Variants in FIBCD1 observed in about 807,000 individuals in gnomAD.
FIBCD1 encodes the protein fibrinogen C domain containing 1.
A neutral mutation model predicts 45.1 loss-of-function variants in FIBCD1; 47 were observed. That is an observed-to-expected ratio of 1.04 (90% confidence interval 0.82 to 1.33). The LOEUF is 1.33. Among genes scored for constraint, FIBCD1 ranks in the 40% most tolerant of loss-of-function variants. The pLI, the probability that FIBCD1 is intolerant of heterozygous loss-of-function variation, is 0.00. For synonymous variants in FIBCD1, 313 were observed against 308.1 expected (o/e 1.02, Z -0.17); for missense variants, 653 against 682.2 (o/e 0.96, Z 0.48).
intron 1 of FIBCD1, among the ~76,000 whole-genome samples, chr9:130,937,710 C>T (rs561773831): frequency 9.7e-4 from 147 of 152,214 alleles, no homozygotes; most frequent in Non-Finnish European, 2.0e-3. Context: ...GCCCCAGTCC[C>T]TTGGCAGCCC....
chr9:130,912,891 C>A (rs958867804), intron 4 of FIBCD1, among the ~76,000 whole-genome samples: 1 of 152,052 alleles, frequency 6.6e-6, no homozygotes, highest in Non-Finnish European at 1.5e-5. Flanking sequence ...AGAGCACCCC[C>A]CACACACCCC....
At chr9:130,920,440 T>C (rs1239645106) in intron 4 of FIBCD1, among the ~76,000 whole-genome samples, 3 of 152,118 alleles carry the variant, frequency 2.0e-5, no homozygotes, top group Non-Finnish European at 4.4e-5. Context: ...ATGGTACCCA[T>C]TTTACAGATG....
At chr9:130,916,970 C>T (rs1401112668) in intron 4 of FIBCD1, among the ~76,000 whole-genome samples, 2 of 152,108 alleles carry the variant, frequency 1.3e-5, no homozygotes, top group South Asian at 2.1e-4. Flanking sequence ...TGGTGGCAGG[C>T]GCCTTTAATC....
At position 130,924,257 on chromosome 9, in the gene FIBCD1, C is replaced by G; in HGVS notation, c.692G>C (p.Arg231Pro). The change falls in exon 3 of 7, where the codon CGG becomes CCG. Residue 231 changes from arginine (R) to proline (P), a missense_variant. Transcript: ENST00000372338. Reference sequence around the variant, plus strand: ...CTCACCAGTGGCACAGCCCCGGGGCCGGGTTCCCCGGGCAGGCGCTCTCTG... The same window carrying G: ...CTCACCAGTGGCACAGCCCCGGGGCGGGGTTCCCCGGGCAGGCGCTCTCTG... ...DLQRAPARGT[R>P]PRGCATGSRP... 1.3e-6 allele frequency: 2 copies of G among 1,597,672 alleles called. No individual in the cohort carries two copies. The highest frequency in any genetic ancestry group is 2.3e-5 in the South Asian group (2 of 88,326).
At chr9:130,939,727 G>C (rs957505719), upstream of FIBCD1, among the ~76,000 whole-genome samples, 23 of 151,682 alleles carry the variant, frequency 1.5e-4, no homozygotes, top group African/African-American at 4.4e-4. Flanking sequence ...TCCTCCGCCG[G>C]GAGGGGATTT....
chr9:130,914,393 C>T (rs576293499), intron 4 of FIBCD1, among the ~76,000 whole-genome samples: 2 of 152,354 alleles, frequency 1.3e-5, no homozygotes, highest in East Asian at 3.9e-4. Flanking sequence ...TCAGGGGACC[C>T]CAACCGTGCA....
At chr9:130,916,417 C>T (rs1305779051) in intron 4 of FIBCD1, among the ~76,000 whole-genome samples, 5 of 152,230 alleles carry the variant, frequency 3.3e-5, no homozygotes, top group Admixed American at 6.5e-5. Context: ...CTGCCTGTGC[C>T]GGGCCCTGTG....
intron 1 of FIBCD1, chr9:130,930,732 G>A (rs1469176568): frequency 4.4e-6 from 2 of 455,532 alleles, no homozygotes; most frequent in Non-Finnish European, 8.8e-6. Flanking sequence ...AGGCCTCTAA[G>A]CTGCATTTCC....
intron 1 of FIBCD1, among the ~76,000 whole-genome samples, chr9:130,936,972 GGT>G (rs10585045): frequency 0.83 from 124,394 of 150,490 alleles, 51,565 homozygotes; most frequent in African/African-American, 0.9. Flanking sequence ...TGAGTGAAGG[GGT>G]GTGTGTGTGT....
intron 4 of FIBCD1, among the ~76,000 whole-genome samples, chr9:130,917,875 C>T (rs1248427091): frequency 1.3e-5 from 2 of 152,094 alleles, no homozygotes; most frequent in African/African-American, 2.4e-5. Flanking sequence ...TGAGAGTGCA[C>T]GCTCAGTCCC....
intron 1 of FIBCD1, among the ~76,000 whole-genome samples, chr9:130,930,335 C>T (rs1588112947): frequency 6.6e-6 from 1 of 151,534 alleles, no homozygotes; most frequent in African/African-American, 2.4e-5. Flanking sequence ...CGGGGAGACG[C>T]GGGGAGACGC....
Position 130,939,123 on chromosome 9 carries a change from C to T in FIBCD1, c.-516G>A, listed in dbSNP as rs1346851558. 1 of 152,126 alleles carries T rather than the reference C, an allele frequency of 6.6e-6. No homozygotes were observed. The highest frequency in any genetic ancestry group is 1.5e-5 in the Non-Finnish European group (1 of 68,022). 9.4% of individuals were successfully genotyped at this position (152,126 alleles called of 1,614,324 possible). On this transcript the variant is annotated 5_prime_UTR_variant, in exon 1 of 7. Coordinates refer to ENST00000372338, the MANE Select transcript of FIBCD1 (RefSeq NM_032843.5). ...GGCCGGCCGGAGGGCAGCAAACAGCCGCGGGCGGCCCGGCTCCTGCTGGCT... is the reference window on the plus strand; with the variant it reads ...GGCCGGCCGGAGGGCAGCAAACAGCTGCGGGCGGCCCGGCTCCTGCTGGCT...
At position 130,921,584 on chromosome 9, in the gene FIBCD1, C is replaced by G. The variant is rs558388019; in HGVS notation, c.849+2160G>C. On this transcript the variant is annotated intron_variant, in intron 4 of 6. Transcript: ENST00000372338. ...CTGAAGCTGAGTCCGTCGGAATGAC[C>G]GGCCTCCCAGCCCAAATCCTGATTG... Among the ~76,000 whole-genome samples the G allele has an allele frequency of 3.3e-4, 50 of 152,338 alleles. No individual in the cohort carries two copies. In the South Asian group the frequency reaches 3.5e-3, roughly 11 times the overall value.
intron 4 of FIBCD1, among the ~76,000 whole-genome samples, chr9:130,915,624 AC>A (rs1195384715): frequency 6.6e-6 from 1 of 152,046 alleles, no homozygotes; most frequent in Admixed American, 6.6e-5. Flanking sequence ...AATCACTTGA[AC>A]CCAGGAGGCG....
At chr9:130,907,892 C>G (rs567823403) in intron 5 of FIBCD1, among the ~76,000 whole-genome samples, 1,119 of 70,824 alleles carry the variant, frequency 0.016, 11 homozygotes, top group Middle Eastern at 0.034. Flanking sequence ...GAGTGAGACT[C>G]TGTCTCAAAA....
intron 1 of FIBCD1, 73 bp downstream of exon 1, chr9:130,938,463 G>C: frequency 7.6e-7 from 1 of 1,315,084 alleles, no homozygotes; most frequent in Non-Finnish European, 9.9e-7. Context: ...CGCAATGGGT[G>C]CTCGCCCCGC....
chr9:130,940,378 C>T (rs1032930717), upstream of FIBCD1, among the ~76,000 whole-genome samples: 1 of 152,278 alleles, frequency 6.6e-6, no homozygotes, highest in African/African-American at 2.4e-5. Context: ...CCCGGCTTCC[C>T]GGACTGAGGC....
At chr9:130,911,709 T>A (rs7044609) in intron 5 of FIBCD1, 83 bp downstream of exon 5, 2 of 1,299,108 alleles carry the variant, frequency 1.5e-6, no homozygotes, top group African/African-American at 3.0e-5. Flanking sequence ...CCAAACCCAT[T>A]CAGGGAGCAG....
intron 1 of FIBCD1, among the ~76,000 whole-genome samples, chr9:130,932,475 C>T (rs1322753279): frequency 3.3e-5 from 5 of 152,234 alleles, no homozygotes; most frequent in Admixed American, 2.6e-4. Context: ...CAATTTACTC[C>T]AGCCAGACCC....
Sources: gnomAD v4.1 joint callset for allele counts (sites outside exome capture counted in the v4.1 genomes callset) on GRCh38, gnomAD v4.1.1 for gene constraint, MANE v1.5 for transcripts, NCBI Gene and HGNC (gene_info 2026-07-23, HGNC 2026-07-21) for gene names.